The following NFIX variants were observed in gnomAD, a reference collection of about 807,000 sequenced individuals.
NFIX encodes nuclear factor 1 X-type.
In NFIX, 2 loss-of-function variants were observed where a neutral mutation model predicts 53.3. The observed-to-expected ratio is 0.04, with a 90% CI of 0.02 to 0.12. The LOEUF is 0.12. Ranked by LOEUF, NFIX falls within the 10% of genes least tolerant of loss-of-function variation. NFIX has a pLI of 1.00. For missense variants in NFIX, 310 were observed against 674.5 expected, an observed-to-expected ratio of 0.46 and a Z score of 5.99; for synonymous variants, 244 against 289.0, an observed-to-expected ratio of 0.84 and a Z score of 1.58.
chr19:13,016,559 A>G (rs1599724400), intron 1 of NFIX, among the ~76,000 whole-genome samples: 1 of 129,884 alleles, frequency 7.7e-6, no homozygotes, highest in Admixed American at 8.8e-5. Flanking sequence ...TTTTCTGCAC[A>G]CTTACATTTT....
chr19:13,005,076 C>G lies in NFIX; in HGVS notation c.27+9212C>G, dbSNP rs534510537. Among the ~76,000 whole-genome samples the G allele has an allele frequency of 4.6e-5, 7 of 152,178 alleles. No homozygotes were observed. Among genetic ancestry groups the G allele is most frequent in the East Asian group, 1.9e-4 (1 of 5,194 alleles). On this transcript the variant is annotated intron_variant, in intron 1 of 10. Transcript: ENST00000592199. This position sits in a 1 kb window ranked among gnomAD's most constrained non-coding sequence, Gnocchi z 4.7. ...AAGTGATCCGCCCGCCTCGGCCTCC[C>G]AAAGTGCTGGGATTACAGGCGTGAG...
At position 13,037,833 on chromosome 19, in the gene NFIX, C is replaced by G. The variant is rs910671804; in HGVS notation, c.559+12281C>G. ...TGTGGGGGGAGGGTGCTATTGGAAT[C>G]TAGTGGGAAGAGTCTACTGCATATG... is the stretch of plus-strand genomic sequence containing the variant. On this transcript the variant is annotated intron_variant, in intron 2 of 10. Transcript: ENST00000592199. This position sits in a 1 kb window ranked among gnomAD's most constrained non-coding sequence, Gnocchi z 4.2. Among the ~76,000 whole-genome samples, 1 of 152,116 alleles carries G rather than the reference C, an allele frequency of 6.6e-6. No homozygotes were observed. Among genetic ancestry groups the G allele is most frequent in the African/African-American group, 2.4e-5 (1 of 41,386 alleles).
intron 1 of NFIX, chr19:13,024,113 CAA>C (rs113861190): frequency 0.015 from 6,263 of 404,852 alleles, no homozygotes; most frequent in South Asian, 0.018. Context: ...AGCAAACAAC[CAA>C]AAAAAAAAAA....
intron 1 of NFIX, among the ~76,000 whole-genome samples, chr19:13,000,969 G>GCT (rs1460554506): frequency 3.9e-5 from 6 of 152,332 alleles, no homozygotes; most frequent in Non-Finnish European, 8.8e-5. Flanking sequence ...AATCTGCTGA[G>GCT]ATATTGTCTC....
chr19:13,059,228 A>C (rs2015902590), intron 2 of NFIX, among the ~76,000 whole-genome samples: 1 of 152,226 alleles, frequency 6.6e-6, no homozygotes, highest in South Asian at 2.1e-4. Flanking sequence ...AGCCGTTTCA[A>C]GGGCTGATGG....
At position 13,073,611 on chromosome 19, in the gene NFIX, C is replaced by T. The variant is rs544390891; in HGVS notation, c.697+115C>T. ...GCAGGTGGATGGGAACAGATGCTTT[C>T]TGGGACACTCTCGGCTTCACTGGTG... On this transcript the variant is annotated intron_variant, in intron 4 of 10. Coordinates refer to ENST00000592199, the MANE Select transcript of NFIX (RefSeq NM_001365902.3). The surrounding 1 kb of genome is among the most constrained non-coding windows in gnomAD (Gnocchi z 4.5). The T allele has an allele frequency of 3.1e-6, 3 of 964,664 alleles. No individual in the cohort carries two copies. Among genetic ancestry groups the T allele is most frequent in the East Asian group, 2.4e-5 (1 of 41,116 alleles). 59.8% of individuals were successfully genotyped at this position (964,664 alleles called of 1,614,324 possible).
chr19:12,996,653 G>A lies in NFIX; in HGVS notation c.27+789G>A, dbSNP rs2011478810. 6.6e-6 allele frequency among the ~76,000 whole-genome samples: 1 copy of A among 152,186 alleles called. No homozygotes were observed. The highest frequency in any genetic ancestry group is 2.4e-5 in the African/African-American group (1 of 41,454). ...TCTGGCCCCAGCGACCCGGGCTGCTGCGGAGTGGACCCGGCAGGCCTGGGG... is the reference window on the plus strand; with the variant it reads ...TCTGGCCCCAGCGACCCGGGCTGCTACGGAGTGGACCCGGCAGGCCTGGGG... On this transcript the variant is annotated intron_variant, in intron 1 of 10. Coordinates refer to ENST00000592199, the MANE Select transcript of NFIX (RefSeq NM_001365902.3). The surrounding 1 kb of genome is among the most constrained non-coding windows in gnomAD (Gnocchi z 5.2).
intron 10 of NFIX, among the ~76,000 whole-genome samples, chr19:13,092,335 G>A (rs976594334): frequency 6.6e-6 from 1 of 152,246 alleles, no homozygotes; most frequent in Non-Finnish European, 1.5e-5. Context: ...GCCACTCTGT[G>A]CTTGGCAGCA....
Position 13,027,646 on chromosome 19 carries a change from C to T in NFIX, c.559+2094C>T, listed in dbSNP as rs560049683. Among the ~76,000 whole-genome samples the T allele has an allele frequency of 3.3e-5, 5 of 152,252 alleles. No individual in the cohort carries two copies. The highest frequency in any genetic ancestry group is 5.9e-5 in the Non-Finnish European group (4 of 68,022). On this transcript the variant is annotated intron_variant, in intron 2 of 10. Coordinates refer to ENST00000592199, the MANE Select transcript of NFIX (RefSeq NM_001365902.3). The surrounding 1 kb of genome is among the most constrained non-coding windows in gnomAD (Gnocchi z 4.3). Reference sequence around the variant, plus strand: ...TTCCCTGGCCTCTTTTATTTTAGGCCGAATTCTTGACTGCTGCCAGTGTGG... The same window carrying T: ...TTCCCTGGCCTCTTTTATTTTAGGCTGAATTCTTGACTGCTGCCAGTGTGG...
Position 13,006,409 on chromosome 19 carries a change from A to G in NFIX, c.27+10545A>G, listed in dbSNP as rs2012016884. Among the ~76,000 whole-genome samples the G allele has an allele frequency of 6.6e-6, 1 of 152,124 alleles. No homozygotes were observed. The highest frequency in any genetic ancestry group is 2.1e-4 in the South Asian group (1 of 4,826). ...TTCAATCTGAGCTCATCTATTATCC[A>G]TATTTGTGGATATGCCATACGGTGC... On this transcript the variant is annotated intron_variant, in intron 1 of 10. Transcript: ENST00000592199. This position sits in a 1 kb window ranked among gnomAD's most constrained non-coding sequence, Gnocchi z 5.6.
intron 2 of NFIX, among the ~76,000 whole-genome samples, chr19:13,038,541 G>A (rs537027047): frequency 2.6e-4 from 39 of 152,322 alleles, no homozygotes; most frequent in African/African-American, 9.4e-4. Flanking sequence ...TCTGGCACAT[G>A]GAGTTTACAG....
Position 13,002,938 on chromosome 19 carries a change from C to T in NFIX, c.27+7074C>T, listed in dbSNP as rs1049786928. On this transcript the variant is annotated intron_variant, in intron 1 of 10. Coordinates refer to ENST00000592199, the MANE Select transcript of NFIX (RefSeq NM_001365902.3). The surrounding 1 kb of genome is among the most constrained non-coding windows in gnomAD (Gnocchi z 6.1). ...GCAAGAGCGGGGATCTGTCTGTCCC[C>T]ACCTGAATCTGTGTGAGCCAAGCTG... Among the ~76,000 whole-genome samples, 1 of 152,144 alleles carries T rather than the reference C, an allele frequency of 6.6e-6. No individual in the cohort carries two copies. Among genetic ancestry groups the T allele is most frequent in the African/African-American group, 2.4e-5 (1 of 41,442 alleles).
intron 2 of NFIX, among the ~76,000 whole-genome samples, chr19:13,038,995 C>T (rs1438173901): frequency 6.6e-6 from 1 of 152,172 alleles, no homozygotes; most frequent in Non-Finnish European, 1.5e-5. Context: ...AAAGGGGACT[C>T]TGTGGGGAAC....
rs1235764848 is a variant in NFIX, at chr19:13,066,712, A to T, written c.560-6335A>T. On this transcript the variant is annotated intron_variant, in intron 2 of 10. Transcript: ENST00000592199. The surrounding 1 kb of genome is among the most constrained non-coding windows in gnomAD (Gnocchi z 4.2). ...GGAGGGAAAAACCTGCCACCTCAGG[A>T]TGACTCCAGGATGTGTGTGTGCATG... Among the ~76,000 whole-genome samples the T allele has an allele frequency of 1.3e-5, 2 of 152,104 alleles. No individual in the cohort carries two copies. The highest frequency in any genetic ancestry group is 3.9e-4 in the East Asian group (2 of 5,192).
In NFIX at chr19:13,066,722, GATGTGTGTGTGC is replaced by G. The variant is rs1280464140; in HGVS notation, c.560-6313_560-6302del. Among the ~76,000 whole-genome samples the G allele has an allele frequency of 1.3e-5, 2 of 152,152 alleles. No homozygotes were observed. Among genetic ancestry groups the G allele is most frequent in the East Asian group, 1.9e-4 (1 of 5,186 alleles). On this transcript the variant is annotated intron_variant, in intron 2 of 10. Coordinates refer to ENST00000592199, the MANE Select transcript of NFIX (RefSeq NM_001365902.3). The surrounding 1 kb of genome is among the most constrained non-coding windows in gnomAD (Gnocchi z 4.2). ...ACCTGCCACCTCAGGATGACTCCAG[GATGTGTGTGTGC>G]ATGTGTGTGTGTGTTTGTGCACATG...
Position 13,036,108 on chromosome 19 carries a change from C to T in NFIX, c.559+10556C>T, listed in dbSNP as rs1035074005. On this transcript the variant is annotated intron_variant, in intron 2 of 10. Coordinates refer to ENST00000592199, the MANE Select transcript of NFIX (RefSeq NM_001365902.3). The surrounding 1 kb of genome is among the most constrained non-coding windows in gnomAD (Gnocchi z 4.7). ...CCTGAGATCCCCACCAAGGGGGCTG[C>T]GGCTGGAGGGAGGGGCCCCTGGGAA... Among the ~76,000 whole-genome samples, 5 of 152,186 alleles carry T rather than the reference C, an allele frequency of 3.3e-5. No individual in the cohort carries two copies. Among genetic ancestry groups the T allele is most frequent in the Admixed American group, 6.5e-5 (1 of 15,282 alleles).
In NFIX at chr19:13,060,588, C is replaced by A. The variant is rs1288100145; in HGVS notation, c.560-12459C>A. 6.6e-6 allele frequency among the ~76,000 whole-genome samples: 1 copy of A among 152,246 alleles called. No homozygotes were observed. The highest frequency in any genetic ancestry group is 1.5e-5 in the Non-Finnish European group (1 of 68,036). On this transcript the variant is annotated intron_variant, in intron 2 of 10. Coordinates refer to ENST00000592199, the MANE Select transcript of NFIX (RefSeq NM_001365902.3). This position sits in a 1 kb window ranked among gnomAD's most constrained non-coding sequence, Gnocchi z 4.3. ...CAAGGACCTGTTGGAGGAGCCCAGT[C>A]CAGCCCTACATGTGTGACCCTTGGT...
chr19:13,075,255 G>A (rs1568318206), intron 5 of NFIX, among the ~76,000 whole-genome samples: 1 of 152,076 alleles, frequency 6.6e-6, no homozygotes, highest in East Asian at 1.9e-4. Flanking sequence ...GCAGCTGAGG[G>A]TTTTGCCGAC....
chr19:13,041,998 C>A (rs1054774212), intron 2 of NFIX, among the ~76,000 whole-genome samples: 1 of 151,330 alleles, frequency 6.6e-6, no homozygotes, highest in Non-Finnish European at 1.5e-5. Flanking sequence ...CCCAGATTCA[C>A]GCCATTCTGC....
Sources: allele counts gnomAD v4.1 joint callset (sites outside exome capture counted in the v4.1 genomes callset), GRCh38; gene constraint gnomAD v4.1.1; non-coding constraint Gnocchi (gnomAD v3.1); transcripts MANE v1.5; gene names NCBI Gene and HGNC (gene_info 2026-07-23, HGNC 2026-07-21).